The following PRUNE2 variants were observed in gnomAD, a reference collection of about 807,000 sequenced individuals.
PRUNE2 encodes protein prune homolog 2.
Under a neutral mutation model 252.0 loss-of-function variants are expected in PRUNE2, and 164 were observed. That is an observed-to-expected ratio of 0.65 (90% CI 0.57 to 0.74). PRUNE2 has a LOEUF of 0.74. PRUNE2 is among the 30% of genes least tolerant of loss of function. PRUNE2 has a pLI of 0.00. For missense variants in PRUNE2, 3,495 were observed against 3,711.0 expected (o/e 0.94, Z 1.51); for synonymous variants, 1,292 against 1,350.2 (o/e 0.96, Z 0.94).
At position 76,710,917 on chromosome 9, in the gene PRUNE2, C is replaced by T; in HGVS notation, c.1357G>A (p.Gly453Arg). Reference protein sequence around the residue: ...SVFLSDDSPVGEGAGPHHTLL... With the variant: ...SVFLSDDSPVREGAGPHHTLL... ...GTGTGGTGAGGCCCAGCACCTTCTC[C>T]CACGGGGCTGTCGTCACTGAGGAAA... The change falls in exon 8 of 19, where the codon GGA becomes AGA. Residue 453 changes from glycine to arginine, a missense_variant. Transcript: ENST00000376718. 1 of 1,561,624 alleles carries T rather than the reference C, an allele frequency of 6.4e-7. No individual in the cohort carries two copies.
Position 76,870,461 on chromosome 9 carries a change from G to C in PRUNE2, c.37-16253C>G, listed in dbSNP as rs575425208. Among the ~76,000 whole-genome samples the C allele has an allele frequency of 2.0e-4, 31 of 152,072 alleles. No homozygotes were observed. In the South Asian group the frequency reaches 6.0e-3, roughly 30 times the overall value. On this transcript the variant is annotated intron_variant, in intron 1 of 18. Transcript: ENST00000376718. The stretch of plus-strand genomic sequence containing the variant: ...AGCACTTTGGGAGGCCGAGGTGGGT[G>C]GATCACAAGGTCAGGAGATCGAGAC...
rs1406914355 is a variant in PRUNE2 at position 76,707,791 on chromosome 9, G to T, written c.4483C>A (p.Pro1495Thr). The part of the protein sequence containing the change: ...VPRSLDFGDV[P>T]IDSDVHVSST... Reference sequence around the variant, plus strand: ...CTGACATGCACATCACTGTCTATAGGGACGTCCCCAAAATCAAGACTTCGG... The same window carrying T: ...CTGACATGCACATCACTGTCTATAGTGACGTCCCCAAAATCAAGACTTCGG... Residue 1495 changes from proline to threonine, a missense_variant, in exon 8 of 19, where the codon CCT (proline) becomes ACT (threonine). Coordinates refer to ENST00000376718, the MANE Select transcript of PRUNE2 (RefSeq NM_015225.3). 1 of 1,613,322 alleles carries T rather than the reference G, an allele frequency of 6.2e-7. No homozygotes were observed. Among genetic ancestry groups the T allele is most frequent in the Non-Finnish European group, 8.5e-7 (1 of 1,179,586 alleles).
intron 7 of PRUNE2, 111 bp from the exon 8 acceptor site, chr9:76,711,469 A>T (rs2046725593): frequency 1.4e-6 from 1 of 702,264 alleles, no homozygotes. Flanking sequence ...ATCTGTGTTC[A>T]TCTGTCTGAA....
chr9:76,719,567 C>T (rs1221803833), intron 6 of PRUNE2, among the ~76,000 whole-genome samples: 2 of 151,898 alleles, frequency 1.3e-5, no homozygotes, highest in East Asian at 3.9e-4. Flanking sequence ...AGAAGAATCA[C>T]TTAACTTAGG....
intron 6 of PRUNE2, among the ~76,000 whole-genome samples, chr9:76,773,787 C>T (rs2053393711): frequency 6.6e-6 from 1 of 152,038 alleles, no homozygotes; most frequent in Non-Finnish European, 1.5e-5. Flanking sequence ...ATGTTTTTTT[C>T]CCTGTTCTAT....
chr9:76,633,801 A>G (rs1219811594), intron 15 of PRUNE2, among the ~76,000 whole-genome samples: 1 of 152,012 alleles, frequency 6.6e-6, no homozygotes, highest in Non-Finnish European at 1.5e-5. Context: ...AGTTTTTCCT[A>G]TATAATGGAA....
At chr9:76,634,230 T>G (rs1838998680) in intron 15 of PRUNE2, among the ~76,000 whole-genome samples, 1 of 152,228 alleles carries the variant, frequency 6.6e-6, no homozygotes, top group Non-Finnish European at 1.5e-5. Context: ...ACCACAACAC[T>G]GTTGCTATAA....
chr9:76,638,163 A>T (rs1840953191), intron 13 of PRUNE2, 23 bp downstream of exon 13: 1 of 1,474,802 alleles, frequency 6.8e-7, no homozygotes, highest in African/African-American at 1.4e-5. Flanking sequence ...AACTCAAAGC[A>T]CTTTGTCATA....
At chr9:76,747,554 C>A (rs1224384913) in intron 6 of PRUNE2, among the ~76,000 whole-genome samples, 1 of 152,166 alleles carries the variant, frequency 6.6e-6, no homozygotes, top group Non-Finnish European at 1.5e-5. Context: ...AGCCTCAATT[C>A]AAACTCGGTT....
rs926729884 is a variant in PRUNE2, at chr9:76,709,047, T to C, written c.3227A>G (p.Gln1076Arg). Residue 1076 changes from glutamine to arginine, a missense_variant, in exon 8 of 19, where the codon CAG (glutamine) becomes CGG (arginine). Physicochemically the swap from Gln to Arg is conservative, Grantham distance 43. Transcript: ENST00000376718. ...SMEDDVGESS[Q>R]SSYDDPSMMQ... ...CATGCTGGGGTCGTCGTAACTGGAC[T>C]GGCTGCTTTCCCCGACGTCATCCTC... 8 of 1,614,020 alleles carry C rather than the reference T, an allele frequency of 5.0e-6. No homozygotes were observed. The highest frequency in any genetic ancestry group is 6.8e-6 in the Non-Finnish European group (8 of 1,179,896).
At chr9:76,685,069 A>G (rs1251630579) in intron 9 of PRUNE2, among the ~76,000 whole-genome samples, 2 of 152,116 alleles carry the variant, frequency 1.3e-5, no homozygotes, top group African/African-American at 4.8e-5. Flanking sequence ...CCTCTTATTA[A>G]CCATGTAAAT....
chr9:76,711,813 G>A (rs1048424093), intron 7 of PRUNE2, among the ~76,000 whole-genome samples: 4 of 152,222 alleles, frequency 2.6e-5, no homozygotes, highest in Non-Finnish European at 5.9e-5. Context: ...GATAGCTTCA[G>A]AATGCAAAAG....
intron 6 of PRUNE2, among the ~76,000 whole-genome samples, chr9:76,731,245 TACACACACACAC>T (rs921317950): frequency 6.7e-6 from 1 of 149,932 alleles, no homozygotes; most frequent in Admixed American, 6.7e-5. Context: ...AACACACACA[TACACACACACAC>T]ACTATAAACA....
chr9:76,827,519 G>A (rs1367520678), intron 4 of PRUNE2, among the ~76,000 whole-genome samples: 3 of 152,210 alleles, frequency 2.0e-5, no homozygotes, highest in African/African-American at 2.4e-5. Flanking sequence ...GAGAAGTTTC[G>A]CTTAATGACA....
At chr9:76,638,990 T>G (rs1356004908) in intron 12 of PRUNE2, among the ~76,000 whole-genome samples, 1 of 152,160 alleles carries the variant, frequency 6.6e-6, no homozygotes, top group Non-Finnish European at 1.5e-5. Flanking sequence ...CTGAAAAAAC[T>G]GACACATTGG....
intron 6 of PRUNE2, among the ~76,000 whole-genome samples, chr9:76,761,055 C>T (rs1251762184): frequency 4.7e-5 from 7 of 148,492 alleles, no homozygotes; most frequent in African/African-American, 1.5e-4. Flanking sequence ...CACTGCACTC[C>T]GGCCTGGGTG....
At chr9:76,666,534 T>C (rs1209708033) in intron 9 of PRUNE2, among the ~76,000 whole-genome samples, 3 of 152,154 alleles carry the variant, frequency 2.0e-5, no homozygotes, top group Non-Finnish European at 2.9e-5. Context: ...CCTCTCTCTC[T>C]CCCTCTCTCT....
Position 76,708,921 on chromosome 9 carries a change from ACT to A in PRUNE2, c.3351_3352del (p.Arg1117SerfsTer18). ...AGTGGACTGAGTATCCTCCAAAATC[ACT>A]CTGTTCCACAAGTCGAGACTGTCAG... is the stretch of plus-strand genomic sequence containing the variant. On this transcript the variant is annotated frameshift_variant, in exon 8 of 19. Transcript: ENST00000376718. LOFTEE classifies it high-confidence loss of function. 2.5e-6 allele frequency: 4 copies of A among 1,613,754 alleles called. No individual in the cohort carries two copies. The highest frequency in any genetic ancestry group is 1.6e-4 in the Middle Eastern group (1 of 6,062).
At chr9:76,632,100 T>G (rs1285673930) in intron 15 of PRUNE2, among the ~76,000 whole-genome samples, 1 of 152,242 alleles carries the variant, frequency 6.6e-6, no homozygotes, top group Non-Finnish European at 1.5e-5. Flanking sequence ...AGTGCTGCGA[T>G]GAACATACAT....
Sources: gnomAD v4.1 joint callset for allele counts (sites outside exome capture counted in the v4.1 genomes callset) on GRCh38, gnomAD v4.1.1 for gene constraint, MANE v1.5 for transcripts, NCBI Gene and HGNC (gene_info 2026-07-23, HGNC 2026-07-21) for gene names.